The following ZNF565 variants were observed in gnomAD, a reference collection of about 807,000 sequenced individuals.
ZNF565 encodes zinc finger protein 565.
Under a neutral mutation model 39.4 loss-of-function variants are expected in ZNF565, and 27 were observed. The ratio of observed to expected loss-of-function variants is 0.69; its 90% confidence interval spans 0.51 to 0.95. The LOEUF is 0.95. Ranked by LOEUF, ZNF565 falls within the 40% of genes least tolerant of loss-of-function variation. The pLI is 0.00. For synonymous variants in ZNF565, 185 were observed against 216.6 expected (o/e 0.85, Z 1.28); for missense variants, 524 against 621.1 (o/e 0.84, Z 1.66).
intron 1 of ZNF565, among the ~76,000 whole-genome samples, chr19:36,205,153 T>C (rs1214130373): frequency 6.6e-6 from 1 of 152,154 alleles, no homozygotes; most frequent in Non-Finnish European, 1.5e-5. Flanking sequence ...TTTGGGAAGC[T>C]GAGGTGTGTC....
intron 1 of ZNF565, among the ~76,000 whole-genome samples, chr19:36,224,604 G>A (rs1599968593): frequency 6.6e-6 from 1 of 152,040 alleles, no homozygotes; most frequent in South Asian, 2.1e-4. Context: ...TTAATTGCTC[G>A]TCCTTTTCAG....
At chr19:36,187,566 C>T (rs1189818619) in intron 4 of ZNF565, among the ~76,000 whole-genome samples, 3 of 150,370 alleles carry the variant, frequency 2.0e-5, no homozygotes, top group African/African-American at 7.4e-5. Context: ...TTTCACTGAC[C>T]AGGATGGTCT....
chr19:36,207,481 G>A (rs1249422036), intron 1 of ZNF565, among the ~76,000 whole-genome samples: 2 of 151,762 alleles, frequency 1.3e-5, no homozygotes, highest in African/African-American at 4.8e-5. Flanking sequence ...CGGAGGTTGC[G>A]GTGAGCCAAG....
At chr19:36,220,483 G>T (rs1269714282) in intron 1 of ZNF565, among the ~76,000 whole-genome samples, 1 of 151,988 alleles carries the variant, frequency 6.6e-6, no homozygotes, top group Non-Finnish European at 1.5e-5. Context: ...TCCTGCTTCA[G>T]CCTCCCGAGT....
intron 4 of ZNF565, among the ~76,000 whole-genome samples, chr19:36,186,158 G>T (rs1170772424): frequency 6.6e-6 from 1 of 151,994 alleles, no homozygotes; most frequent in African/African-American, 2.4e-5. Context: ...TGCCACGCCC[G>T]GCCAATTTTT....
At chr19:36,202,408 A>AC (rs1279906099) in intron 1 of ZNF565, among the ~76,000 whole-genome samples, 40 of 52,948 alleles carry the variant, frequency 7.6e-4, no homozygotes, top group African/African-American at 3.2e-3. Flanking sequence ...AACAACAACA[A>AC]AAAAAAACTG....
intron 2 of ZNF565, among the ~76,000 whole-genome samples, chr19:36,200,492 A>ATT (rs763018660): frequency 6.9e-6 from 1 of 143,952 alleles, no homozygotes; most frequent in Non-Finnish European, 1.5e-5. Context: ...AGAAAGTTGG[A>ATT]TTTTTTTTTT....
chr19:36,200,325 C>T lies in ZNF565; in HGVS notation c.9+1652G>A, dbSNP rs144974538. On this transcript the variant is annotated intron_variant, in intron 2 of 4. Coordinates refer to ENST00000304116, the MANE Select transcript of ZNF565 (RefSeq NM_152477.5). The stretch of plus-strand genomic sequence containing the variant: ...ACAGGTATCAGACAATGCATCCAGC[C>T]GAGAAATTTTAAAAATATTTTAACA... 7.5e-3 allele frequency among the ~76,000 whole-genome samples: 1,142 copies of T among 151,752 alleles called. 17 individuals carry two copies. The highest frequency in any genetic ancestry group is 0.026 in the African/African-American group (1,086 of 41,412).
Position 36,245,859 on chromosome 19 carries a change from G to T in ZNF565, c.-329C>A. The T allele has an allele frequency of 3.1e-6, 1 of 320,320 alleles. No individual in the cohort carries two copies. The highest frequency in any genetic ancestry group is 5.8e-6 in the Non-Finnish European group (1 of 173,466). 19.8% of individuals were successfully genotyped at this position (320,320 alleles called of 1,614,324 possible). A position where few individuals can be genotyped will look rare whatever the true frequency, so the allele number is the denominator to read the frequency against. On this transcript the variant is annotated 5_prime_UTR_variant, in exon 1 of 5. Coordinates refer to the ZNF565 transcript ENST00000355114. The surrounding 1 kb of genome is among the most constrained non-coding windows in gnomAD (Gnocchi z 4.4). ...GCTACTGGATCCGCTGTCTCGGTTT[G>T]GGTGCGGGGCCTTGGCTCAGGCGGA...
chr19:36,245,447 C>T lies in ZNF565; in HGVS notation c.55+29G>A, dbSNP rs535307098. On this transcript the variant is annotated intron_variant, in intron 1 of 4. Transcript: ENST00000355114. This position sits in a 1 kb window ranked among gnomAD's most constrained non-coding sequence, Gnocchi z 4.4. ...CCCAGAAAATCCGGATCACATTTCC[C>T]GTGGTCCACCGCGCATCTAGGAGGT... The T allele has an allele frequency of 2.8e-6, 2 of 702,256 alleles. No individual in the cohort carries two copies. The highest frequency in any genetic ancestry group is 5.4e-5 in the East Asian group (2 of 37,286). 43.5% of individuals were successfully genotyped at this position (702,256 alleles called of 1,614,324 possible).
At chr19:36,221,211 G>A (rs1345182038) in intron 1 of ZNF565, among the ~76,000 whole-genome samples, 2 of 149,196 alleles carry the variant, frequency 1.3e-5, no homozygotes, top group Non-Finnish European at 3.0e-5. Flanking sequence ...ATTTGAAATC[G>A]TTTTTCTGAG....
At chr19:36,190,008 A>AT (rs1975468387) in intron 4 of ZNF565, among the ~76,000 whole-genome samples, 1 of 151,486 alleles carries the variant, frequency 6.6e-6, no homozygotes, top group Non-Finnish European at 1.5e-5. Context: ...TAATTTTTGT[A>AT]TTTTTAGTAG....
intron 1 of ZNF565, among the ~76,000 whole-genome samples, chr19:36,229,997 G>A (rs1160484359): frequency 6.6e-6 from 1 of 152,208 alleles, no homozygotes; most frequent in East Asian, 1.9e-4. Flanking sequence ...TGGGATTACA[G>A]GTTTGAGCCA....
At chr19:36,207,545 A>C (rs528073800) in intron 1 of ZNF565, among the ~76,000 whole-genome samples, 1 of 151,740 alleles carries the variant, frequency 6.6e-6, no homozygotes, top group African/African-American at 2.4e-5. Flanking sequence ...TCTCAAACAA[A>C]AAAAAAAATA....
chr19:36,234,667 G>T (rs550157974), intron 1 of ZNF565, among the ~76,000 whole-genome samples: 3 of 152,280 alleles, frequency 2.0e-5, no homozygotes, highest in Admixed American at 2.0e-4. Context: ...AACGTGCTGG[G>T]ATTACAGGCG....
chr19:36,236,461 G>A, intron 1 of ZNF565: 1 of 1,606,604 alleles, frequency 6.2e-7, no homozygotes, highest in Non-Finnish European at 8.5e-7. Context: ...TCAGCCAGCA[G>A]AGAATTTACA....
In ZNF565 at chr19:36,183,583, T is replaced by G. The variant is rs138771189; in HGVS notation, c.383A>C (p.Gln128Pro). 2.1e-4 allele frequency: 337 copies of G among 1,614,190 alleles called. 4 individuals are homozygous for G. In the African/African-American group the frequency reaches 4.2e-3, roughly 20 times the overall value. The change falls in exon 5 of 5, where the codon CAA (glutamine) becomes CCA (proline). Residue 128 changes from glutamine to proline, a missense_variant. Gln to Pro is a moderately conservative substitution (Grantham distance 76). Coordinates refer to ENST00000304116, the MANE Select transcript of ZNF565 (RefSeq NM_152477.5). ...CTTAAAATAGCACTCTTCATTGACT[T>G]GTCTCTCAAACTGGCCTTCGCATTC... Reference protein sequence around the residue: ...DWECEGQFERQVNEECYFKQV... With the variant: ...DWECEGQFERPVNEECYFKQV...
rs1026650131 is a variant in ZNF565, at chr19:36,231,287, G to A, written c.55+14189C>T. ...TGCGGTGGTGCCATCGTGGCTCACC[G>A]CAGCCTCTGCCTCCCGGGTTCAAGT... On this transcript the variant is annotated intron_variant, in intron 1 of 4. Coordinates refer to the ZNF565 transcript ENST00000355114. 2.6e-5 allele frequency among the ~76,000 whole-genome samples: 4 copies of A among 151,924 alleles called. No homozygotes were observed. In the East Asian group the frequency reaches 7.7e-4, roughly 29 times the overall value.
chr19:36,194,150 G>T, intron 4 of ZNF565, 83 bp downstream of exon 4: 1 of 1,161,692 alleles, frequency 8.6e-7, no homozygotes, highest in Non-Finnish European at 1.2e-6. Flanking sequence ...GGGCTTTGAG[G>T]GAACTTCCCA....
Sources: allele counts gnomAD v4.1 joint callset (sites outside exome capture counted in the v4.1 genomes callset), GRCh38; gene constraint gnomAD v4.1.1; non-coding constraint Gnocchi (gnomAD v3.1); transcripts MANE v1.5; gene names NCBI Gene and HGNC (gene_info 2026-07-23, HGNC 2026-07-21).